Variants in GSE1 observed in about 807,000 individuals in gnomAD.
GSE1 encodes genetic suppressor element 1.
A neutral mutation model predicts 112.6 loss-of-function variants in GSE1; 32 were observed. The ratio of observed to expected loss-of-function variants is 0.28; its 90% CI spans 0.21 to 0.38. The LOEUF (loss-of-function observed/expected upper bound fraction) is 0.38. Ranked by LOEUF, GSE1 falls within the 10% of genes least tolerant of loss-of-function variation. The probability of loss-of-function intolerance (pLI) is 1.00; values close to 1 mark genes in which losing one functional copy is unlikely to be tolerated. For synonymous variants in GSE1, 1,115 were observed against 735.6 expected, an observed-to-expected ratio of 1.52 and a Z score of -8.35; for missense variants, 2,348 against 1,699.2, an observed-to-expected ratio of 1.38 and a Z score of -6.71.
chr16:85,444,727 C>T (rs1431637660), intron 2 of GSE1, among the ~76,000 whole-genome samples: 1 of 152,152 alleles, frequency 6.6e-6, no homozygotes, highest in Non-Finnish European at 1.5e-5. Flanking sequence ...GAAAAGCTGC[C>T]TCCTGTGACC....
At chr16:85,382,531 A>G (rs527827504) in intron 2 of GSE1, among the ~76,000 whole-genome samples, 1 of 152,234 alleles carries the variant, frequency 6.6e-6, no homozygotes, top group South Asian at 2.1e-4. Context: ...CACTTTCCCG[A>G]TGAGACAGCA....
chr16:85,364,955 G>A (rs2047157500), intron 2 of GSE1, among the ~76,000 whole-genome samples: 1 of 152,244 alleles, frequency 6.6e-6, no homozygotes, highest in Non-Finnish European at 1.5e-5. Context: ...TGGGTCCTGT[G>A]TACTGTGGTT....
intron 2 of GSE1, among the ~76,000 whole-genome samples, chr16:85,498,920 C>A (rs72801109): frequency 1.3e-5 from 2 of 152,230 alleles, no homozygotes; most frequent in African/African-American, 4.8e-5. Context: ...AGGCCGTGAG[C>A]GGCATTGCAC....
chr16:85,417,016 G>A (rs185978010), intron 2 of GSE1, among the ~76,000 whole-genome samples: 4 of 152,196 alleles, frequency 2.6e-5, no homozygotes, highest in East Asian at 1.9e-4. Flanking sequence ...CACCATGCCC[G>A]GCTAATTTTT....
At chr16:85,329,311 G>A (rs930187523) in intron 1 of GSE1, among the ~76,000 whole-genome samples, 1 of 152,146 alleles carries the variant, frequency 6.6e-6, no homozygotes, top group Non-Finnish European at 1.5e-5. Flanking sequence ...AAGGACCTTC[G>A]GAGCACCCGT....
intron 1 of GSE1, among the ~76,000 whole-genome samples, chr16:85,331,543 G>GTGTGTATATATGTGTATA (rs2046359918): frequency 4.8e-5 from 6 of 126,276 alleles, no homozygotes; most frequent in Non-Finnish European, 8.3e-5. Context: ...ATGTGTATAT[G>GTGTGTATATATGTGTATA]TGTGTATATA....
At chr16:85,297,587 C>T (rs980865644) in intron 1 of GSE1, among the ~76,000 whole-genome samples, 1 of 152,144 alleles carries the variant, frequency 6.6e-6, no homozygotes, top group Non-Finnish European at 1.5e-5. Flanking sequence ...GCAGCCTCCA[C>T]CTCTCAGGCT....
At chr16:85,477,558 T>C (rs1282448933) in intron 2 of GSE1, among the ~76,000 whole-genome samples, 2 of 118,574 alleles carry the variant, frequency 1.7e-5, no homozygotes, top group South Asian at 2.6e-4. Flanking sequence ...GTCTTAGGTT[T>C]TTTTTTTGTT....
At position 85,337,900 on chromosome 16, in the gene GSE1, G is replaced by A. The variant is rs535208544; in HGVS notation, c.2284-19563G>A. ...CTGAAAACCACTGGCCAAAGCCTCC[G>A]TATTGGTCTCAGGCAGGACCCAGCC... is the stretch of plus-strand genomic sequence containing the variant. On this transcript the variant is annotated intron_variant, in intron 1 of 2. Coordinates refer to the GSE1 transcript ENST00000637419. Among the ~76,000 whole-genome samples the A allele has an allele frequency of 5.7e-4, 87 of 152,366 alleles. 1 individual carries two copies. The highest frequency in any genetic ancestry group is 2.0e-3 in the African/African-American group (83 of 41,582).
Position 85,331,363 on chromosome 16 carries a change from G to GTA in GSE1, c.2284-26099_2284-26098insAT, listed in dbSNP as rs1396264079. Among the ~76,000 whole-genome samples the GTA allele has an allele frequency of 1.8e-4, 8 of 45,446 alleles. No individual in the cohort carries two copies. In the East Asian group the frequency reaches 4.2e-3, roughly 24 times the overall value. 29.8% of individuals were successfully genotyped at this position (45,446 alleles called of 152,430 possible). A position where few individuals can be genotyped will look rare whatever the true frequency, so the allele number is the denominator to read the frequency against. ...TGTGTGTGTGTGTGTGTGTGTGTGT[G>GTA]TGTATATATGTATATATATGTATAT... On this transcript the variant is annotated intron_variant, in intron 1 of 2. Coordinates refer to the GSE1 transcript ENST00000637419.
At chr16:85,555,969 C>T (rs1207992310) in exon 1 of GSE1, 1 of 984,396 alleles carries the variant, frequency 1.0e-6, no homozygotes, top group South Asian at 4.7e-5. Flanking sequence ...TTTTTATTTG[C>T]ATCTCAAGTC....
upstream of GSE1, among the ~76,000 whole-genome samples, chr16:85,609,911 C>A (rs1015885209): frequency 6.6e-6 from 1 of 152,076 alleles, no homozygotes; most frequent in African/African-American, 2.4e-5. Context: ...CCTATCTTGG[C>A]CCCCCCAAAG....
chr16:85,172,251 G>A (rs968276391), intron 1 of GSE1, among the ~76,000 whole-genome samples: 11 of 152,208 alleles, frequency 7.2e-5, no homozygotes, highest in African/African-American at 2.4e-4. Context: ...GTTCCTCTCC[G>A]TTCTAGCTCC....
intron 1 of GSE1, among the ~76,000 whole-genome samples, chr16:85,229,948 GCAAA>G (rs1183431587): frequency 6.6e-6 from 1 of 152,190 alleles, no homozygotes; most frequent in Non-Finnish European, 1.5e-5. Flanking sequence ...GGAGGTTTGT[GCAAA>G]CCTAGGTCCA....
chr16:85,664,215 C>A (rs1006809138), intron 11 of GSE1, among the ~76,000 whole-genome samples: 1 of 152,260 alleles, frequency 6.6e-6, no homozygotes, highest in African/African-American at 2.4e-5. Flanking sequence ...GCAGCGCAGG[C>A]TGGCTTGGTG....
At chr16:85,187,493 C>A (rs2074729671) in intron 1 of GSE1, among the ~76,000 whole-genome samples, 1 of 152,252 alleles carries the variant, frequency 6.6e-6, no homozygotes, top group Non-Finnish European at 1.5e-5. Context: ...CCCATTCTTG[C>A]TCAGTGTCAC....
In GSE1 at chr16:85,648,612, C is replaced by T; in HGVS notation, c.287C>T (p.Pro96Leu). 1.2e-6 allele frequency: 2 copies of T among 1,606,776 alleles called. No homozygotes were observed. The highest frequency in any genetic ancestry group is 1.7e-6 in the Non-Finnish European group (2 of 1,176,454). ...TCTCCGGCCACCAACCACAGCTCCC[C>T]CGCCAGCACACCCAAGCGCGTGCCC... ...VSSPATNHSS[P>L]ASTPKRVPMG... Residue 96 changes from proline (P) to leucine (L), a missense_variant, in exon 3 of 16, where the codon CCC becomes CTC. Transcript: ENST00000253458.
intron 1 of GSE1, among the ~76,000 whole-genome samples, chr16:85,567,069 C>G (rs1004357098): frequency 6.6e-6 from 1 of 150,822 alleles, no homozygotes; most frequent in Non-Finnish European, 1.5e-5. Context: ...CCCCCACCCC[C>G]CTCCGCCCAA....
At chr16:85,414,016 C>G (rs2151722559) in intron 2 of GSE1, among the ~76,000 whole-genome samples, 1 of 152,316 alleles carries the variant, frequency 6.6e-6, no homozygotes, top group Middle Eastern at 3.4e-3. Context: ...TTCCTGAGGC[C>G]TCCCCAGCCA....
Sources: allele counts gnomAD v4.1 joint callset (sites outside exome capture counted in the v4.1 genomes callset), GRCh38; gene constraint gnomAD v4.1.1; transcripts MANE v1.5; gene names NCBI Gene and HGNC (gene_info 2026-07-23, HGNC 2026-07-21).